Variants in EP300 observed in about 807,000 individuals in gnomAD.
EP300 encodes the protein histone acetyltransferase p300.
A neutral mutation model predicts 264.0 loss-of-function variants in EP300; 31 were observed. That is an observed-to-expected ratio of 0.12 (90% CI 0.09 to 0.16). The LOEUF is 0.16. Ranked by LOEUF, EP300 falls within the 10% of genes least tolerant of loss-of-function variation. EP300 has a pLI of 1.00. For synonymous variants in EP300, 1,340 were observed against 1,045.4 expected, an observed-to-expected ratio of 1.28 and a Z score of -5.44; for missense variants, 2,766 against 3,052.9, an observed-to-expected ratio of 0.91 and a Z score of 2.21.
chr22:41,098,519 C>T (rs2058714268), intron 1 of EP300, among the ~76,000 whole-genome samples: 1 of 152,032 alleles, frequency 6.6e-6, no homozygotes, highest in Non-Finnish European at 1.5e-5. Context: ...CTACAGGCGC[C>T]CGCCACCACA....
At chr22:41,163,982 A>G in intron 21 of EP300, 71 bp from the exon 22 acceptor site, 6 of 1,383,596 alleles carry the variant, frequency 4.3e-6, no homozygotes, top group Non-Finnish European at 6.2e-6. Context: ...GTCAGAAGTC[A>G]TGGGAAATAT....
At chr22:41,127,084 C>T (rs780343440) in intron 3 of EP300, among the ~76,000 whole-genome samples, 1 of 152,076 alleles carries the variant, frequency 6.6e-6, no homozygotes, top group Non-Finnish European at 1.5e-5. Context: ...AAATTTATCC[C>T]AGAGTTTAGA....
At chr22:41,174,615 A>G (rs2059189725) in intron 29 of EP300, 1 of 151,996 alleles carries the variant, frequency 6.6e-6, no homozygotes, top group Non-Finnish European at 1.5e-5. Context: ...CATATAATTG[A>G]TAACGAAAGC....
At chr22:41,158,991 C>G (rs1423958526) in intron 19 of EP300, 1 of 167,216 alleles carries the variant, frequency 6.0e-6, no homozygotes, top group Non-Finnish European at 1.3e-5. Flanking sequence ...AAAGGAAAAC[C>G]TCACATAGCT....
At chr22:41,133,793 C>G (rs928800259) in intron 6 of EP300, among the ~76,000 whole-genome samples, 18 of 152,192 alleles carry the variant, frequency 1.2e-4, no homozygotes, top group African/African-American at 4.3e-4. Context: ...ACAGTATTTT[C>G]AAACCAGTGA....
intron 1 of EP300, among the ~76,000 whole-genome samples, chr22:41,106,776 T>TC (rs902192518): frequency 2.0e-5 from 3 of 151,428 alleles, no homozygotes; most frequent in Non-Finnish European, 4.4e-5. Context: ...TTAAATTTTT[T>TC]TGTAGAGGCA....
At chr22:41,174,888 A>C (rs1452208681) in intron 29 of EP300, 1 of 152,156 alleles carries the variant, frequency 6.6e-6, no homozygotes, top group Non-Finnish European at 1.5e-5. Context: ...TGATGTTATC[A>C]TGGTGAACAC....
Position 41,145,423 on chromosome 22 carries a change from A to T in EP300, c.2054-1316A>T, listed in dbSNP as rs559859539. Among the ~76,000 whole-genome samples the T allele has an allele frequency of 2.4e-4, 36 of 152,338 alleles. 1 individual carries two copies. The South Asian group carries it at 4.3e-3, about 18-fold the overall frequency. On this transcript the variant is annotated intron_variant, in intron 10 of 30. Transcript: ENST00000263253. ...GGGATGGACATCTCCTTAGAAGAGCAGCAGGTCTTCCTCTCCTATGCCTGA... is the reference window on the plus strand; with the variant it reads ...GGGATGGACATCTCCTTAGAAGAGCTGCAGGTCTTCCTCTCCTATGCCTGA...
At position 41,135,842 on chromosome 22, in the gene EP300, G is replaced by A. The variant is rs569889324; in HGVS notation, c.1558G>A (p.Val520Ile). The A allele has an allele frequency of 1.9e-6, 3 of 1,614,016 alleles. No individual in the cohort carries two copies. The highest frequency in any genetic ancestry group is 4.5e-5 in the East Asian group (2 of 44,878). Residue 520 changes from valine (V) to isoleucine (I), a missense_variant, in exon 7 of 31, where the codon GTA (valine) becomes ATA (isoleucine). Physicochemically the swap from Val to Ile is conservative, Grantham distance 29. Coordinates refer to ENST00000263253, the MANE Select transcript of EP300 (RefSeq NM_001429.4). ...SASPMGVNGGVGVQTPSLLSD... is the reference protein window; with the variant it reads ...SASPMGVNGGIGVQTPSLLSD... Reference sequence around the variant, plus strand: ...TAGTCCTATGGGAGTAAATGGAGGTGTAGGAGTTCAAACGCCGAGTCTTCT... The same window carrying A: ...TAGTCCTATGGGAGTAAATGGAGGTATAGGAGTTCAAACGCCGAGTCTTCT...
chr22:41,125,813 A>G (rs1307458404), intron 2 of EP300, 51 bp from the exon 3 acceptor site: 2 of 1,561,368 alleles, frequency 1.3e-6, no homozygotes, highest in Non-Finnish European at 1.8e-6. Flanking sequence ...AGGAATAATA[A>G]TGTCTTAAAT....
intron 10 of EP300, among the ~76,000 whole-genome samples, chr22:41,142,323 AAGT>A (rs2058987357): frequency 6.6e-6 from 1 of 152,158 alleles, no homozygotes; most frequent in East Asian, 1.9e-4. Flanking sequence ...TCATTCATTG[AAGT>A]AGTAAAGTAG....
At chr22:41,113,160 C>CCCCG (rs1338285163) in intron 1 of EP300, among the ~76,000 whole-genome samples, 1 of 135,772 alleles carries the variant, frequency 7.4e-6, no homozygotes, top group South Asian at 2.8e-4. Context: ...GGATTCCACC[C>CCCCG]CCCCCCCAAC....
At chr22:41,115,171 A>G (rs1209980123) in intron 1 of EP300, among the ~76,000 whole-genome samples, 1 of 152,188 alleles carries the variant, frequency 6.6e-6, no homozygotes, top group Non-Finnish European at 1.5e-5. Flanking sequence ...TAATTTTTAT[A>G]GTAGGTTAAT....
rs200728751 is a variant in EP300 at position 41,177,420 on chromosome 22, C to T, written c.5709C>T (p.Gly1903=). Residue 1903 remains glycine (G), a synonymous_variant, in exon 31 of 31, where the codon GGC becomes GGT. Transcript: ENST00000263253. ...AGPVSQGKAA[G]QVTPPTPPQT... is the part of the protein sequence containing the mutation. ...CTGTGTCCCAGGGTAAGGCAGCAGGCCAGGTGACCCCTCCAACCCCTCCTC... is the reference window on the plus strand; with the variant it reads ...CTGTGTCCCAGGGTAAGGCAGCAGGTCAGGTGACCCCTCCAACCCCTCCTC... 1.8e-4 allele frequency: 296 copies of T among 1,614,162 alleles called. 5 individuals carry two copies. The South Asian group carries it at 3.0e-3, about 16-fold the overall frequency.
Position 41,126,998 on chromosome 22 carries a change from C to G in EP300, c.907-489C>G, listed in dbSNP as rs188410757. Among the ~76,000 whole-genome samples the G allele has an allele frequency of 3.6e-3, 551 of 152,178 alleles. 3 individuals are homozygous for G. Among genetic ancestry groups the G allele is most frequent in the Non-Finnish European group, 6.1e-3 (414 of 67,998 alleles). On this transcript the variant is annotated intron_variant, in intron 3 of 30. Coordinates refer to ENST00000263253, the MANE Select transcript of EP300 (RefSeq NM_001429.4). ...ACCTCAGGTGATCCGCCTGCCTCGG[C>G]CTCCCAACGTGCTAGGGTTACAGGC...
intron 18 of EP300, among the ~76,000 whole-genome samples, chr22:41,157,921 A>G (rs949440196): frequency 6.6e-6 from 1 of 152,204 alleles, no homozygotes; most frequent in African/African-American, 2.4e-5. Flanking sequence ...TTGTATGGAA[A>G]AGTTGACTAA....
rs1601590302 is a variant in EP300 at position 41,104,550 on chromosome 22, A to T, written c.94+11452A>T. Among the ~76,000 whole-genome samples, 4 of 151,632 alleles carry T rather than the reference A, an allele frequency of 2.6e-5. No individual in the cohort carries two copies. In the East Asian group the frequency reaches 7.9e-4, roughly 30 times the overall value. On this transcript the variant is annotated intron_variant, in intron 1 of 30. Coordinates refer to ENST00000263253, the MANE Select transcript of EP300 (RefSeq NM_001429.4). ...GGCGATCCGCCCGCCTCGGCCTCCC[A>T]AAGTGCTGGGGTTACAGGCGTGAGC...
chr22:41,174,755 TAA>T (rs1247710672), intron 29 of EP300: 1 of 152,094 alleles, frequency 6.6e-6, no homozygotes, highest in Non-Finnish European at 1.5e-5. Flanking sequence ...AAGTGGTAAT[TAA>T]GTTGAGAGGG....
chr22:41,126,818 C>G (rs1392891688), intron 3 of EP300, among the ~76,000 whole-genome samples: 1 of 132,938 alleles, frequency 7.5e-6, no homozygotes, highest in Non-Finnish European at 1.5e-5. Context: ...GATCTCGGCT[C>G]ACTGCAACTT....
Sources: allele counts gnomAD v4.1 joint callset (sites outside exome capture counted in the v4.1 genomes callset), GRCh38; gene constraint gnomAD v4.1.1; transcripts MANE v1.5; gene names NCBI Gene and HGNC (gene_info 2026-07-23, HGNC 2026-07-21).